SMARCD3: variants seen among roughly 807,000 people sequenced by gnomAD.
SMARCD3 encodes SWI/SNF related BAF chromatin remodeling complex subunit D3, also known as SWI/SNF-related matrix-associated actin-dependent regulator of chromatin subfamily D member 3.
SMARCD3 carries 14 observed loss-of-function variants against 58.0 expected under a neutral mutation model. The ratio of observed to expected loss-of-function variants is 0.24; its 90% CI spans 0.16 to 0.38. The LOEUF is 0.38. SMARCD3 is among the 10% of genes least tolerant of loss of function. The pLI is 1.00. For missense variants in SMARCD3, 408 were observed against 636.9 expected (o/e 0.64, Z 3.87); for synonymous variants, 253 against 253.8 (o/e 1.00, Z 0.03).
At chr7:151,268,762 ATT>A (rs1390704407) in intron 2 of SMARCD3, among the ~76,000 whole-genome samples, 2 of 151,648 alleles carry the variant, frequency 1.3e-5, no homozygotes, top group Non-Finnish European at 1.5e-5. Context: ...ACCACACAAA[ATT>A]CTCTCTCTTT....
intron 8 of SMARCD3, chr7:151,240,739 A>G (rs1373448559): frequency 1.8e-6 from 1 of 566,586 alleles, no homozygotes; most frequent in Non-Finnish European, 3.1e-6. Context: ...AGGGGTTGAG[A>G]GTGCGGGCCC....
intron 2 of SMARCD3, among the ~76,000 whole-genome samples, chr7:151,259,111 G>T (rs1803811430): frequency 6.6e-6 from 1 of 152,044 alleles, no homozygotes; most frequent in Non-Finnish European, 1.5e-5. Context: ...CAACACTTTG[G>T]GAAGCTAAGG....
chr7:151,242,379 C>A lies in SMARCD3; in HGVS notation c.579+102G>T, dbSNP rs1438282096. 1 of 1,516,346 alleles carries A rather than the reference C, an allele frequency of 6.6e-7. No individual in the cohort carries two copies. Among genetic ancestry groups the A allele is most frequent in the Non-Finnish European group, 9.1e-7 (1 of 1,101,174 alleles). 93.9% of individuals were successfully genotyped at this position (1,516,346 alleles called of 1,614,324 possible). A position where few individuals can be genotyped will look rare whatever the true frequency, so the allele number is the denominator to read the frequency against. The stretch of plus-strand genomic sequence containing the variant: ...TCTCTAGGCCTGCCCCTCCACCCAG[C>A]CTGGGCTGACTCCCTAGCCCTTAGT... On this transcript the variant is annotated intron_variant, in intron 5 of 12. Coordinates refer to ENST00000262188, the MANE Select transcript of SMARCD3 (RefSeq NM_001003801.2). The surrounding 1 kb of genome is among the most constrained non-coding windows in gnomAD (Gnocchi z 4.7).
chr7:151,251,633 C>T (rs1803513694), upstream of SMARCD3, among the ~76,000 whole-genome samples: 1 of 152,126 alleles, frequency 6.6e-6, no homozygotes, highest in African/African-American at 2.4e-5. Flanking sequence ...GGGAAGGAGG[C>T]CCGGGAAGAG....
upstream of SMARCD3, among the ~76,000 whole-genome samples, chr7:151,250,350 C>T: frequency 6.6e-6 from 1 of 152,116 alleles, no homozygotes; most frequent in Non-Finnish European, 1.5e-5. Context: ...CCCCCACACA[C>T]AGAGCCTGGG....
chr7:151,245,257 T>C lies in SMARCD3; in HGVS notation c.290+203A>G, dbSNP rs899170404. ...GGTACCGGCTGCCGACGCCGCAGCC[T>C]GTCTCTACCGTGGGCACACAAAAGA... On this transcript the variant is annotated intron_variant, in intron 2 of 12. Coordinates refer to ENST00000262188, the MANE Select transcript of SMARCD3 (RefSeq NM_001003801.2). The surrounding 1 kb of genome is among the most constrained non-coding windows in gnomAD (Gnocchi z 6.2). Among the ~76,000 whole-genome samples, 3 of 151,374 alleles carry C rather than the reference T, an allele frequency of 2.0e-5. No homozygotes were observed. Among genetic ancestry groups the C allele is most frequent in the African/African-American group, 7.3e-5 (3 of 41,044 alleles).
In SMARCD3 at chr7:151,245,216, GA is replaced by G. The variant is rs1183575767; in HGVS notation, c.290+243del. Among the ~76,000 whole-genome samples, 2 of 126,898 alleles carry G rather than the reference GA, an allele frequency of 1.6e-5. No homozygotes were observed. The highest frequency in any genetic ancestry group is 4.6e-4 in the East Asian group (2 of 4,322). The allele number at this position is 126,898 out of a possible 152,430, so 83.3% of individuals were successfully genotyped here. ...CAGGTGACAAGGAGAAGGGTGAGGGGAGCGTGCAGGGAAGCGGTACCGGCTG... is the reference window on the plus strand; with the variant it reads ...CAGGTGACAAGGAGAAGGGTGAGGGGGCGTGCAGGGAAGCGGTACCGGCTG... On this transcript the variant is annotated intron_variant, in intron 2 of 12. Transcript: ENST00000262188. The surrounding 1 kb of genome is among the most constrained non-coding windows in gnomAD (Gnocchi z 6.2).
chr7:151,240,468 G>A lies in SMARCD3; in HGVS notation c.994C>T (p.Leu332=), dbSNP rs760812227. The A allele has an allele frequency of 3.7e-6, 6 of 1,614,024 alleles. No homozygotes were observed. Among genetic ancestry groups the A allele is most frequent in the Non-Finnish European group, 5.1e-6 (6 of 1,180,008 alleles). Residue 332 remains leucine (L), a synonymous_variant, in exon 9 of 13, where the codon CTG becomes TTG. Transcript: ENST00000262188. ...ACAATTGGGTCAGGGGGCAATAGCAGGGCTGTGAGGCGCTGGGGAATCTCA... is the reference window on the plus strand; with the variant it reads ...ACAATTGGGTCAGGGGGCAATAGCAAGGCTGTGAGGCGCTGGGGAATCTCA... The part of the protein sequence containing the change: ...FSEIPQRLTA[L]LLPPDPIVIN...
chr7:151,249,114 G>A (rs2150599603), upstream of SMARCD3: 1 of 152,146 alleles, frequency 6.6e-6, no homozygotes, highest in South Asian at 2.1e-4. This position sits in a 1 kb window ranked among gnomAD's most constrained non-coding sequence, Gnocchi z 4.8. Context: ...TTCCCCCAGC[G>A]GCTCCTGCTG....
chr7:151,276,468 G>C (rs966476335), intron 1 of SMARCD3, among the ~76,000 whole-genome samples: 1 of 145,536 alleles, frequency 6.9e-6, no homozygotes, highest in Admixed American at 6.8e-5. Context: ...GGTGCCAGAC[G>C]AGGGAAGGAG....
chr7:151,248,121 C>A lies in SMARCD3; in HGVS notation c.78+364G>T, dbSNP rs1477727954. ...AGCCCAGCCTCTGCCATGTCCCCAT[C>A]CCCCACCCCCACCCCCAGGGCAGGG... On this transcript the variant is annotated intron_variant, in intron 1 of 12. Coordinates refer to ENST00000262188, the MANE Select transcript of SMARCD3 (RefSeq NM_001003801.2). The surrounding 1 kb of genome is among the most constrained non-coding windows in gnomAD (Gnocchi z 6.1). Among the ~76,000 whole-genome samples, 1 of 151,918 alleles carries A rather than the reference C, an allele frequency of 6.6e-6. No individual in the cohort carries two copies. Among genetic ancestry groups the A allele is most frequent in the Admixed American group, 6.5e-5 (1 of 15,274 alleles).
upstream of SMARCD3, among the ~76,000 whole-genome samples, chr7:151,251,521 G>T (rs1803509418): frequency 6.6e-6 from 1 of 152,170 alleles, no homozygotes; most frequent in African/African-American, 2.4e-5. Context: ...CGCCAGTGTG[G>T]GGGCCCGGGC....
At position 151,241,353 on chromosome 7, in the gene SMARCD3, C is replaced by T. The variant is rs1802973925; in HGVS notation, c.939+139G>A. The T allele has an allele frequency of 2.5e-6, 2 of 788,650 alleles. No individual in the cohort carries two copies. The highest frequency in any genetic ancestry group is 2.9e-5 in the South Asian group (2 of 68,250). 48.9% of individuals were successfully genotyped at this position (788,650 alleles called of 1,614,324 possible). On this transcript the variant is annotated intron_variant, in intron 8 of 12. Coordinates refer to ENST00000262188, the MANE Select transcript of SMARCD3 (RefSeq NM_001003801.2). This position sits in a 1 kb window ranked among gnomAD's most constrained non-coding sequence, Gnocchi z 5.3. The stretch of plus-strand genomic sequence containing the variant: ...ACTAGAATCCTGGTCGGTCTCTTGG[C>T]TCCAAGACCATGACTGTGTACTGCT...
intron 9 of SMARCD3, 63 bp downstream of exon 9, chr7:151,240,362 G>T: frequency 1.3e-6 from 2 of 1,588,142 alleles, no homozygotes; most frequent in Admixed American, 1.7e-5. Context: ...AGGAGAGGGA[G>T]GGGCAGGGAA....
chr7:151,276,483 G>A, intron 1 of SMARCD3, among the ~76,000 whole-genome samples: 1 of 145,294 alleles, frequency 6.9e-6, no homozygotes, highest in Admixed American at 6.8e-5. Context: ...AAGGAGGGGA[G>A]ATGCAGGTGG....
At position 151,241,462 on chromosome 7, in the gene SMARCD3, C is replaced by A; in HGVS notation, c.939+30G>T. The A allele has an allele frequency of 6.2e-7, 1 of 1,602,618 alleles. No individual in the cohort carries two copies. Among genetic ancestry groups the A allele is most frequent in the Non-Finnish European group, 8.5e-7 (1 of 1,173,494 alleles). The stretch of plus-strand genomic sequence containing the variant: ...CCTGCTGGAGAACTCCGCCTGCTCC[C>A]CAGATCCCAGGGTTCAGGAGAGAGG... On this transcript the variant is annotated intron_variant, in intron 8 of 12. Coordinates refer to ENST00000262188, the MANE Select transcript of SMARCD3 (RefSeq NM_001003801.2). This position sits in a 1 kb window ranked among gnomAD's most constrained non-coding sequence, Gnocchi z 5.3.
chr7:151,256,732 A>C lies in SMARCD3; in HGVS notation c.40-11061T>G, dbSNP rs562849822. The stretch of plus-strand genomic sequence containing the variant: ...TCCTCTGACTTCCAACCTCTCCTCC[A>C]TCCTCCTCACTCCCAGCTTGTGCCC... On this transcript the variant is annotated intron_variant, in intron 2 of 13. Transcript: ENST00000356800. Among the ~76,000 whole-genome samples the C allele has an allele frequency of 2.0e-5, 3 of 151,916 alleles. No individual in the cohort carries two copies. The South Asian group carries it at 6.3e-4, about 32-fold the overall frequency.
chr7:151,275,268 G>T, intron 1 of SMARCD3: 1 of 879,064 alleles, frequency 1.1e-6, no homozygotes, highest in African/African-American at 1.6e-5. Context: ...GGAGAGGTCA[G>T]ACCCTGAGCC....
chr7:151,242,315 G>A lies in SMARCD3; in HGVS notation c.580-83C>T. 1.4e-6 allele frequency: 2 copies of A among 1,393,916 alleles called. No homozygotes were observed. Among genetic ancestry groups the A allele is most frequent in the South Asian group, 2.3e-5 (2 of 86,260 alleles). 86.3% of individuals were successfully genotyped at this position (1,393,916 alleles called of 1,614,324 possible). On this transcript the variant is annotated intron_variant, in intron 5 of 12. Transcript: ENST00000262188. This position sits in a 1 kb window ranked among gnomAD's most constrained non-coding sequence, Gnocchi z 4.7. ...AAGGAGGCCAAGTTGGCAGCCGACA[G>A]GGCAGTGGGCTTAGATGAAATCCTC...
Sources: gnomAD v4.1 joint callset for allele counts (sites outside exome capture counted in the v4.1 genomes callset) on GRCh38, gnomAD v4.1.1 for gene constraint, Gnocchi (gnomAD v3.1) non-coding constraint, MANE v1.5 for transcripts, NCBI Gene and HGNC (gene_info 2026-07-23, HGNC 2026-07-21) for gene names.